Variants in CADM2 observed in about 807,000 individuals in gnomAD.
CADM2 encodes the protein cell adhesion molecule 2.
Under a neutral mutation model 49.8 loss-of-function variants are expected in CADM2, and 12 were observed. The ratio of observed to expected loss-of-function variants is 0.24; its 90% CI spans 0.15 to 0.39. The LOEUF (loss-of-function observed/expected upper bound fraction) is 0.39. Ranked by LOEUF, CADM2 falls within the 10% of genes least tolerant of loss-of-function variation. CADM2 has a pLI of 1.00. For missense variants in CADM2, 378 were observed against 492.3 expected (o/e 0.77, Z 2.20); for synonymous variants, 214 against 175.4 (o/e 1.22, Z -1.74).
chr3:86,059,255 C>T (rs764595355), intron 8 of CADM2, among the ~76,000 whole-genome samples: 3 of 151,950 alleles, frequency 2.0e-5, no homozygotes, highest in Non-Finnish European at 4.4e-5. Context: ...TTGATAGAAA[C>T]CCCAGCAATG....
At chr3:86,042,690 A>T (rs551805800) in intron 8 of CADM2, among the ~76,000 whole-genome samples, 12 of 152,276 alleles carry the variant, frequency 7.9e-5, no homozygotes, top group African/African-American at 2.9e-4. Flanking sequence ...AACTATTCCA[A>T]TCAATAGAAA....
intron 1 of CADM2, among the ~76,000 whole-genome samples, chr3:85,646,925 C>A (rs1040807322): frequency 3.3e-5 from 5 of 151,796 alleles, no homozygotes; most frequent in African/African-American, 4.8e-5. Context: ...GGTAAAACAT[C>A]CCATGTCTTC....
At chr3:86,028,229 A>G (rs897491377) in intron 8 of CADM2, among the ~76,000 whole-genome samples, 1 of 151,940 alleles carries the variant, frequency 6.6e-6, no homozygotes, top group Non-Finnish European at 1.5e-5. Flanking sequence ...AAGTCAAAAA[A>G]AAAAAAAAGA....
intron 1 of CADM2, among the ~76,000 whole-genome samples, chr3:85,454,409 C>T (rs1005160064): frequency 6.6e-5 from 10 of 151,964 alleles, no homozygotes; most frequent in African/African-American, 2.4e-4. Flanking sequence ...AGCAAGCAGA[C>T]CACAAACTCA....
At chr3:85,520,727 A>C (rs1246849206) in intron 1 of CADM2, among the ~76,000 whole-genome samples, 1 of 152,098 alleles carries the variant, frequency 6.6e-6, no homozygotes, top group East Asian at 1.9e-4. Context: ...AATTTATTTA[A>C]AGAAATACAT....
At chr3:85,205,660 TA>T (rs892176623) in intron 1 of CADM2, among the ~76,000 whole-genome samples, 2 of 152,070 alleles carry the variant, frequency 1.3e-5, no homozygotes, top group Admixed American at 1.3e-4. Context: ...TAGATTATAA[TA>T]AAAATAACTT....
intron 3 of CADM2, among the ~76,000 whole-genome samples, chr3:85,840,994 C>G (rs1577448468): frequency 6.6e-6 from 1 of 151,512 alleles, no homozygotes; most frequent in Middle Eastern, 3.4e-3. Flanking sequence ...CTAAATTGGT[C>G]TATAGTATTC....
chr3:85,823,489 G>A (rs1372171042), intron 3 of CADM2, among the ~76,000 whole-genome samples: 1 of 152,050 alleles, frequency 6.6e-6, no homozygotes, highest in African/African-American at 2.4e-5. Flanking sequence ...TGATTTCTAA[G>A]CATTTTTCTC....
At chr3:85,076,302 A>AT (rs1394709907) in intron 1 of CADM2, among the ~76,000 whole-genome samples, 6 of 50,588 alleles carry the variant, frequency 1.2e-4, no homozygotes, top group Non-Finnish European at 2.8e-4. Context: ...TAAAAAAGAA[A>AT]TTGTGTGTGT....
rs188487138 is a variant in CADM2, at chr3:85,711,978, C to T, written c.62-14544C>T. Among the ~76,000 whole-genome samples, 30 of 152,266 alleles carry T rather than the reference C, an allele frequency of 2.0e-4. No homozygotes were observed. In the East Asian group the frequency reaches 5.6e-3, roughly 28 times the overall value. On this transcript the variant is annotated intron_variant, in intron 1 of 9. Coordinates refer to ENST00000383699, the MANE Select transcript of CADM2 (RefSeq NM_001167675.2). ...CTGTAGCGTAGTATGATGTAATCGT[C>T]TCACCTTCACTCAGTAGCATTGTGA...
chr3:85,415,108 C>T (rs2035854690), intron 1 of CADM2, among the ~76,000 whole-genome samples: 1 of 152,030 alleles, frequency 6.6e-6, no homozygotes, highest in African/African-American at 2.4e-5. Context: ...TAAAGTGTTG[C>T]CTCCACTATA....
chr3:85,113,679 T>C (rs1006273432), intron 1 of CADM2, among the ~76,000 whole-genome samples: 3 of 147,978 alleles, frequency 2.0e-5, no homozygotes, highest in Non-Finnish European at 4.4e-5. Context: ...CTTTTTTTTA[T>C]TCATTCGTTT....
chr3:85,015,966 G>A (rs575304410), intron 1 of CADM2, among the ~76,000 whole-genome samples: 3 of 152,200 alleles, frequency 2.0e-5, no homozygotes, highest in South Asian at 4.2e-4. Flanking sequence ...AGGTGTAGTA[G>A]GAATGATTTT....
intron 1 of CADM2, among the ~76,000 whole-genome samples, chr3:85,584,612 C>CT (rs2062887069): frequency 6.6e-6 from 1 of 151,934 alleles, no homozygotes; most frequent in African/African-American, 2.4e-5. Context: ...TGTACTTCCC[C>CT]TTTTTTGTCC....
intron 1 of CADM2, among the ~76,000 whole-genome samples, chr3:85,376,752 G>A (rs2033613605): frequency 6.6e-6 from 1 of 151,788 alleles, no homozygotes; most frequent in South Asian, 2.1e-4. Flanking sequence ...ATGCTATTTG[G>A]ACTTCATAAG....
chr3:85,952,535 A>G (rs1723563005), intron 7 of CADM2, among the ~76,000 whole-genome samples: 1 of 150,982 alleles, frequency 6.6e-6, no homozygotes, highest in Non-Finnish European at 1.5e-5. Context: ...AATGGAAATC[A>G]TCAGTTTTTC....
At chr3:85,235,450 A>G (rs2107823042) in intron 1 of CADM2, among the ~76,000 whole-genome samples, 1 of 152,268 alleles carries the variant, frequency 6.6e-6, no homozygotes, top group African/African-American at 2.4e-5. Flanking sequence ...CTTAGAATTG[A>G]TTATAAATGT....
At chr3:85,873,970 A>G (rs1246967715) in intron 3 of CADM2, among the ~76,000 whole-genome samples, 1 of 152,096 alleles carries the variant, frequency 6.6e-6, no homozygotes, top group East Asian at 1.9e-4. Context: ...TAGCAAAAAT[A>G]TATTGGCAAT....
intron 2 of CADM2, among the ~76,000 whole-genome samples, chr3:85,781,468 A>G (rs1300733307): frequency 6.6e-6 from 1 of 152,188 alleles, no homozygotes; most frequent in Non-Finnish European, 1.5e-5. Context: ...AACACAATGG[A>G]GAGTCTATTT....
Sources: allele counts gnomAD v4.1 joint callset (sites outside exome capture counted in the v4.1 genomes callset), GRCh38; gene constraint gnomAD v4.1.1; transcripts MANE v1.5; gene names NCBI Gene and HGNC (gene_info 2026-07-23, HGNC 2026-07-21).